The following FSHR variants were observed in gnomAD, a reference collection of about 807,000 sequenced individuals.
FSHR encodes follicle-stimulating hormone receptor.
In FSHR, 46 loss-of-function variants were observed where a neutral mutation model predicts 52.1. The observed-to-expected ratio is 0.88, with a 90% CI of 0.70 to 1.13. The LOEUF is 1.13. Ranked by LOEUF, FSHR falls within the 50% of genes most tolerant of loss-of-function variation. The pLI is 0.00. For synonymous variants in FSHR, 399 were observed against 309.6 expected, an observed-to-expected ratio of 1.29 and a Z score of -3.03; for missense variants, 964 against 834.6, an observed-to-expected ratio of 1.16 and a Z score of -1.91.
At chr2:49,130,016 A>G (rs575038232) in intron 1 of FSHR, among the ~76,000 whole-genome samples, 51 of 152,330 alleles carry the variant, frequency 3.3e-4, no homozygotes, top group Non-Finnish European at 5.0e-4. Flanking sequence ...GCTATGTTAT[A>G]AACTCTCTTT....
At chr2:48,969,209 G>C (rs962588398) in intron 8 of FSHR, among the ~76,000 whole-genome samples, 5 of 152,150 alleles carry the variant, frequency 3.3e-5, no homozygotes, top group Admixed American at 2.6e-4. Context: ...CAGTCTATTT[G>C]TACCTGCTAA....
At chr2:49,014,681 C>T (rs528946084) in intron 4 of FSHR, 4 of 252,252 alleles carry the variant, frequency 1.6e-5, no homozygotes, top group South Asian at 1.2e-4. Flanking sequence ...GCAATGATTC[C>T]TCATTTCTCA....
At chr2:49,085,586 C>T (rs978878101) in intron 1 of FSHR, among the ~76,000 whole-genome samples, 3 of 152,134 alleles carry the variant, frequency 2.0e-5, no homozygotes, top group African/African-American at 7.2e-5. Flanking sequence ...ACTAGAAATA[C>T]CATTTGACCC....
At chr2:49,103,612 C>A (rs992514041) in intron 1 of FSHR, among the ~76,000 whole-genome samples, 1 of 152,068 alleles carries the variant, frequency 6.6e-6, no homozygotes, top group Non-Finnish European at 1.5e-5. Flanking sequence ...CGATGGCCTG[C>A]CTCTAACGGC....
chr2:49,133,054 G>C (rs560447266), intron 1 of FSHR, among the ~76,000 whole-genome samples: 1 of 150,962 alleles, frequency 6.6e-6, no homozygotes, highest in Non-Finnish European at 1.5e-5. Flanking sequence ...ATCTCAGAGC[G>C]GGTGGAGACC....
Position 49,154,403 on chromosome 2 carries a change from C to T in FSHR, c.15G>A (p.Leu5=), listed in dbSNP as rs767018868. The T allele has an allele frequency of 1.9e-6, 3 of 1,612,600 alleles. No individual in the cohort carries two copies. Among genetic ancestry groups the T allele is most frequent in the Non-Finnish European group, 2.5e-6 (3 of 1,179,900 alleles). The stretch of plus-strand genomic sequence containing the variant: ...AGCTCAGGAATGCCAGCAAAGAGAC[C>T]AGGAGCAGGGCCATAATTATGCATC... MALL[L]VSLLAFLSLG... is the part of the protein sequence containing the mutation. The change falls in exon 1 of 10, where the codon CTG becomes CTA. Residue 5 remains leucine, a synonymous_variant. Transcript: ENST00000406846.
At chr2:49,150,467 T>A (rs1673022604) in intron 1 of FSHR, among the ~76,000 whole-genome samples, 1 of 152,130 alleles carries the variant, frequency 6.6e-6, no homozygotes, top group Non-Finnish European at 1.5e-5. Flanking sequence ...AACATTATTA[T>A]CATCAACAAC....
intron 2 of FSHR, among the ~76,000 whole-genome samples, chr2:49,048,844 A>C (rs1326571529): frequency 6.6e-6 from 1 of 152,160 alleles, no homozygotes; most frequent in Admixed American, 6.5e-5. Flanking sequence ...AGGTTTATGA[A>C]GTGTAAGATT....
At chr2:49,011,576 G>T (rs1340283686) in intron 4 of FSHR, among the ~76,000 whole-genome samples, 2 of 151,908 alleles carry the variant, frequency 1.3e-5, no homozygotes, top group African/African-American at 2.4e-5. Context: ...TCAATTCCTG[G>T]GTATCCTTGA....
chr2:48,978,876 T>C (rs1675111656), intron 8 of FSHR, among the ~76,000 whole-genome samples: 2 of 152,324 alleles, frequency 1.3e-5, no homozygotes, highest in African/African-American at 4.8e-5. Context: ...GGAAAGCAGC[T>C]ATCATCAGTT....
At chr2:49,100,476 C>G (rs1376972729) in intron 1 of FSHR, among the ~76,000 whole-genome samples, 1 of 152,132 alleles carries the variant, frequency 6.6e-6, no homozygotes, top group East Asian at 1.9e-4. Context: ...TTATGGAAAG[C>G]CTTGGAAAAG....
At chr2:48,987,716 C>A (rs991015452) in intron 6 of FSHR, among the ~76,000 whole-genome samples, 3 of 151,520 alleles carry the variant, frequency 2.0e-5, no homozygotes, top group African/African-American at 7.3e-5. Context: ...TAAATCATTC[C>A]TTCTTTCCTC....
intron 4 of FSHR, among the ~76,000 whole-genome samples, chr2:49,001,106 A>T (rs951578461): frequency 6.6e-6 from 1 of 152,130 alleles, no homozygotes; most frequent in Non-Finnish European, 1.5e-5. Flanking sequence ...ACAGAGAGTA[A>T]CTGACCTGCT....
intron 1 of FSHR, among the ~76,000 whole-genome samples, chr2:49,102,614 G>C (rs1671074415): frequency 6.6e-6 from 1 of 152,192 alleles, no homozygotes; most frequent in Non-Finnish European, 1.5e-5. Context: ...GAGTGCTGAA[G>C]TTCAGTAAAG....
intron 2 of FSHR, among the ~76,000 whole-genome samples, chr2:49,025,405 G>T (rs562426828): frequency 6.6e-6 from 1 of 152,104 alleles, no homozygotes; most frequent in South Asian, 2.1e-4. Flanking sequence ...TTAGTTACTA[G>T]AAAAAATAAA....
intron 2 of FSHR, among the ~76,000 whole-genome samples, chr2:49,036,008 C>A (rs1247044514): frequency 6.6e-6 from 1 of 152,182 alleles, no homozygotes; most frequent in African/African-American, 2.4e-5. Flanking sequence ...TCTCTTACTC[C>A]CTTTCTTTCT....
In FSHR at chr2:49,136,099, A is replaced by G. The variant is rs568687088; in HGVS notation, c.152+18167T>C. 5.9e-5 allele frequency among the ~76,000 whole-genome samples: 9 copies of G among 152,306 alleles called. No homozygotes were observed. The South Asian group carries it at 1.9e-3, about 32-fold the overall frequency. On this transcript the variant is annotated intron_variant, in intron 1 of 9. Coordinates refer to ENST00000406846, the MANE Select transcript of FSHR (RefSeq NM_000145.4). ...AAAGCTAGTTCTTTGAAAAGATTAAAAAAAGAAGACAAACTTTAGATAGAA... is the reference window on the plus strand; with the variant it reads ...AAAGCTAGTTCTTTGAAAAGATTAAGAAAAGAAGACAAACTTTAGATAGAA...
chr2:48,987,518 T>G (rs1008735227), intron 6 of FSHR, among the ~76,000 whole-genome samples: 2 of 152,138 alleles, frequency 1.3e-5, no homozygotes, highest in Admixed American at 1.3e-4. Flanking sequence ...CTGATTATTT[T>G]TATTTTTATA....
At chr2:48,972,822 C>T (rs1290436813) in intron 8 of FSHR, among the ~76,000 whole-genome samples, 6 of 152,234 alleles carry the variant, frequency 3.9e-5, no homozygotes, top group African/African-American at 1.4e-4. Context: ...CAATACAAAG[C>T]AGGTTATTTT....
Sources: allele counts gnomAD v4.1 joint callset (sites outside exome capture counted in the v4.1 genomes callset), GRCh38; gene constraint gnomAD v4.1.1; transcripts MANE v1.5; gene names NCBI Gene and HGNC (gene_info 2026-07-23, HGNC 2026-07-21).